BACH2: variants seen among roughly 807,000 people sequenced by gnomAD.
BACH2 encodes transcription regulator protein BACH2.
Under a neutral mutation model 61.8 loss-of-function variants are expected in BACH2, and 5 were observed. The ratio of observed to expected loss-of-function variants is 0.08; its 90% confidence interval spans 0.04 to 0.17. The LOEUF (loss-of-function observed/expected upper bound fraction) is 0.17, where lower values mean the gene tolerates loss of function less well. Ranked by LOEUF, BACH2 falls within the 10% of genes least tolerant of loss-of-function variation. BACH2 has a pLI of 1.00. For missense variants in BACH2, 824 were observed against 1,091.1 expected (o/e 0.76, Z 3.45); for synonymous variants, 446 against 440.1 (o/e 1.01, Z -0.17).
At chr6:90,054,323 C>T (rs567401907) in intron 5 of BACH2, among the ~76,000 whole-genome samples, 12 of 152,232 alleles carry the variant, frequency 7.9e-5, no homozygotes, top group Non-Finnish European at 1.6e-4. Context: ...GATTATATCC[C>T]GCACGTGGCT....
chr6:90,171,829 A>G (rs1261037502), intron 4 of BACH2, among the ~76,000 whole-genome samples: 2 of 152,218 alleles, frequency 1.3e-5, no homozygotes, highest in Non-Finnish European at 2.9e-5. Context: ...ATGACTAGGC[A>G]GATTTAAGAA....
intron 4 of BACH2, among the ~76,000 whole-genome samples, chr6:90,099,838 T>C (rs936501332): frequency 2.2e-5 from 3 of 137,274 alleles, no homozygotes; most frequent in South Asian, 2.4e-4. Context: ...TTTTTTAGTA[T>C]ATTCACAGAG....
intron 5 of BACH2, among the ~76,000 whole-genome samples, chr6:90,014,763 GC>G (rs1365338646): frequency 1.3e-5 from 2 of 150,964 alleles, no homozygotes; most frequent in African/African-American, 4.9e-5. Context: ...GTCAGCTACC[GC>G]CCCTGGCCTT....
intron 5 of BACH2, among the ~76,000 whole-genome samples, chr6:90,055,756 A>T (rs202116241): frequency 6.6e-6 from 1 of 152,142 alleles, no homozygotes; most frequent in Non-Finnish European, 1.5e-5. Flanking sequence ...GGGAAGCCCA[A>T]CAGACTAACA....
intron 4 of BACH2, among the ~76,000 whole-genome samples, chr6:90,171,416 G>A (rs118134209): frequency 0.039 from 5,717 of 144,906 alleles, 187 homozygotes; most frequent in East Asian, 0.092. Context: ...CTTGTCTCAA[G>A]AAGAAAAAAA....
At chr6:89,984,460 A>G (rs1776129048) in intron 6 of BACH2, among the ~76,000 whole-genome samples, 1 of 152,022 alleles carries the variant, frequency 6.6e-6, no homozygotes, top group African/African-American at 2.4e-5. Context: ...GGCTGGACAG[A>G]TGCTTAGGGA....
intron 6 of BACH2, among the ~76,000 whole-genome samples, chr6:89,994,420 G>C (rs1039241151): frequency 1.3e-5 from 2 of 152,180 alleles, no homozygotes; most frequent in African/African-American, 4.8e-5. Flanking sequence ...TTTAAATATG[G>C]GAAAAGGTCT....
chr6:90,116,939 G>A, intron 4 of BACH2: 1 of 428,188 alleles, frequency 2.3e-6, no homozygotes. Flanking sequence ...AAGTACATGT[G>A]CAGCTTCAAC....
At chr6:90,077,695 C>T (rs1781534869) in intron 5 of BACH2, among the ~76,000 whole-genome samples, 1 of 152,110 alleles carries the variant, frequency 6.6e-6, no homozygotes, top group Non-Finnish European at 1.5e-5. Context: ...ACTAAGCCAC[C>T]ACTGTTTTAT....
At chr6:90,007,161 G>A (rs893828912) in intron 6 of BACH2, among the ~76,000 whole-genome samples, 4 of 151,848 alleles carry the variant, frequency 2.6e-5, no homozygotes, top group Non-Finnish European at 5.9e-5. Flanking sequence ...TGCAACCTCC[G>A]CCTCCCAGGT....
At chr6:90,280,775 C>T (rs956757405) in intron 1 of BACH2, among the ~76,000 whole-genome samples, 3 of 152,164 alleles carry the variant, frequency 2.0e-5, no homozygotes, top group East Asian at 1.9e-4. Flanking sequence ...GGTCCCACAG[C>T]CTCTGCTTGG....
Position 89,951,879 on chromosome 6 carries a change from G to A in BACH2, c.244-17C>T. The A allele has an allele frequency of 1.2e-6, 2 of 1,602,384 alleles. No individual in the cohort carries two copies. Among genetic ancestry groups the A allele is most frequent in the Non-Finnish European group, 1.7e-6 (2 of 1,171,772 alleles). On this transcript the variant is annotated splice_polypyrimidine_tract_variant and intron_variant, in intron 6 of 8. Transcript: ENST00000257749. This position sits in a 1 kb window ranked among gnomAD's most constrained non-coding sequence, Gnocchi z 6.4. ...GGCTGTGACCTGCAAAACAAACAGG[G>A]AAATCGCCAACATTACCATCAGCAC... is the stretch of plus-strand genomic sequence containing the variant.
intron 2 of BACH2, among the ~76,000 whole-genome samples, chr6:90,261,327 T>C (rs780717472): frequency 3.3e-5 from 5 of 152,180 alleles, no homozygotes; most frequent in Non-Finnish European, 4.4e-5. Flanking sequence ...ATGGATTATA[T>C]CTATCCTCCA....
intron 4 of BACH2, among the ~76,000 whole-genome samples, chr6:90,128,716 A>G (rs1783970931): frequency 6.6e-6 from 1 of 152,232 alleles, no homozygotes; most frequent in Non-Finnish European, 1.5e-5. Flanking sequence ...TACTGGGTAT[A>G]TACCCAAAGT....
At chr6:90,058,989 A>G (rs1012304281) in intron 5 of BACH2, among the ~76,000 whole-genome samples, 78 of 152,362 alleles carry the variant, frequency 5.1e-4, no homozygotes, top group African/African-American at 1.7e-3. Flanking sequence ...TGGATTAAAG[A>G]CTTAAATGTT....
At chr6:90,105,504 A>G (rs1782861763) in intron 4 of BACH2, among the ~76,000 whole-genome samples, 1 of 152,248 alleles carries the variant, frequency 6.6e-6, no homozygotes, top group African/African-American at 2.4e-5. Context: ...AACCAGCAGT[A>G]GTTATACACG....
At chr6:89,957,350 C>A (rs1774479553) in intron 6 of BACH2, among the ~76,000 whole-genome samples, 1 of 152,204 alleles carries the variant, frequency 6.6e-6, no homozygotes, top group Non-Finnish European at 1.5e-5. Context: ...CAAATTAATT[C>A]ACCTTACTAT....
At position 90,231,977 on chromosome 6, in the gene BACH2, G is replaced by A. The variant is rs182132877; in HGVS notation, c.-275+20536C>T. ...TAGACATGATATATTTGGTCTGAGA[G>A]AGAGAGACAGAGAGAGAGAGAGAGA... On this transcript the variant is annotated intron_variant, in intron 3 of 8. Coordinates refer to ENST00000257749, the MANE Select transcript of BACH2 (RefSeq NM_021813.4). Among the ~76,000 whole-genome samples the A allele has an allele frequency of 2.2e-4, 34 of 152,156 alleles. No homozygotes were observed. The South Asian group carries it at 6.0e-3, about 27-fold the overall frequency.
intron 4 of BACH2, among the ~76,000 whole-genome samples, chr6:90,204,245 T>A (rs749815044): frequency 2.0e-5 from 3 of 152,084 alleles, no homozygotes; most frequent in Non-Finnish European, 4.4e-5. Flanking sequence ...GAGTGCACAA[T>A]TCGAATGTCT....
Sources: gnomAD v4.1 joint callset for allele counts (sites outside exome capture counted in the v4.1 genomes callset) on GRCh38, gnomAD v4.1.1 for gene constraint, Gnocchi (gnomAD v3.1) non-coding constraint, MANE v1.5 for transcripts, NCBI Gene and HGNC (gene_info 2026-07-23, HGNC 2026-07-21) for gene names.